OR7D4: variants seen among roughly 807,000 people sequenced by gnomAD.
The protein encoded by OR7D4 is olfactory receptor 7D4.
For missense variants in OR7D4, 319 were observed against 377.1 expected (o/e 0.85, Z 1.27); for synonymous variants, 154 against 158.4 (o/e 0.97, Z 0.21).
intron 1 of OR7D4, among the ~76,000 whole-genome samples, chr19:9,215,878 C>T (rs747092688): frequency 5.9e-5 from 9 of 152,136 alleles, no homozygotes; most frequent in Non-Finnish European, 1.2e-4. Context: ...TGTTTTCACT[C>T]TGCTGATAAA....
At position 9,212,919 on chromosome 19, in the gene OR7D4, A is replaced by T. The variant is rs1393635760; in HGVS notation, c.*980T>A. 2 of 152,072 alleles carry T rather than the reference A, an allele frequency of 1.3e-5. No homozygotes were observed. Among genetic ancestry groups the T allele is most frequent in the Non-Finnish European group, 2.9e-5 (2 of 68,038 alleles). 9.4% of individuals were successfully genotyped at this position (152,072 alleles called of 1,614,324 possible). ...AGGTGTGAGCCACTGTGCCCCGAAA[A>T]TTTTATATCACTGTTTTTATGGAAA... On this transcript the variant is annotated 3_prime_UTR_variant, in exon 2 of 2. Transcript: ENST00000641669.
In OR7D4 at chr19:9,214,652, G is replaced by A. The variant is rs1004931931; in HGVS notation, c.186C>T (p.Phe62=). 6 of 1,614,038 alleles carry A rather than the reference G, an allele frequency of 3.7e-6. No homozygotes were observed. In the African/African-American group the frequency reaches 8.0e-5, roughly 22 times the overall value. Residue 62 remains phenylalanine (F), a synonymous_variant, in exon 2 of 2, where the codon TTC becomes TTT. Coordinates refer to ENST00000641669, the MANE Select transcript of OR7D4 (RefSeq NM_001005191.3). The part of the protein sequence containing the change: ...DSHLHTPMYF[F]LSNLSFVDIC... ...TGTCAACAAAGGACAGGTTGGAGAG[G>A]AAGAAGTACATGGGGGTGTGGAGGT... is the stretch of plus-strand genomic sequence containing the variant.
At chr19:9,216,158 A>G (rs1180008440) in intron 1 of OR7D4, among the ~76,000 whole-genome samples, 1 of 152,158 alleles carries the variant, frequency 6.6e-6, no homozygotes, top group Non-Finnish European at 1.5e-5. Context: ...GGTCCCTCCC[A>G]TTACACATGG....
chr19:9,218,727 C>G (rs1447630331), intron 1 of OR7D4, among the ~76,000 whole-genome samples: 1 of 152,100 alleles, frequency 6.6e-6, no homozygotes, highest in Non-Finnish European at 1.5e-5. Context: ...CTCCTGGGTT[C>G]AAGCAATTAT....
At position 9,214,281 on chromosome 19, in the gene OR7D4, T is replaced by G; in HGVS notation, c.557A>C (p.Lys186Thr). 6.2e-7 allele frequency: 1 copy of G among 1,614,124 alleles called. No individual in the cohort carries two copies. The highest frequency in any genetic ancestry group is 8.5e-7 in the Non-Finnish European group (1 of 1,180,006). Residue 186 changes from lysine to threonine, a missense_variant, in exon 2 of 2, where the codon AAG becomes ACG. Lys to Thr is a moderately conservative substitution (Grantham distance 78). Transcript: ENST00000641669. The stretch of plus-strand genomic sequence containing the variant: ...GAGGAGGGTGTTAGAGCAGGCCACC[T>G]TGAGGACCTGAGCCGGTTCACAGAA... ...HFFCEPAQVL[K>T]VACSNTLLNN...
rs377035285 is a variant in OR7D4, at chr19:9,214,666, G to A, written c.172C>T (p.Pro58Ser). ...AVSSDSHLHT[P>S]MYFFLSNLSF... ...AGGTTGGAGAGGAAGAAGTACATGG[G>A]GGTGTGGAGGTGGGAGTCAGAGCTG... Residue 58 changes from proline to serine, a missense_variant, in exon 2 of 2, where the codon CCC becomes TCC. Physicochemically the swap from Pro to Ser is moderately conservative, Grantham distance 74. Coordinates refer to ENST00000641669, the MANE Select transcript of OR7D4 (RefSeq NM_001005191.3). The A allele has an allele frequency of 1.2e-6, 2 of 1,614,022 alleles. No homozygotes were observed. Among genetic ancestry groups the A allele is most frequent in the Non-Finnish European group, 1.7e-6 (2 of 1,180,032 alleles).
At chr19:9,218,761 T>G (rs554443437) in intron 1 of OR7D4, among the ~76,000 whole-genome samples, 51 of 152,180 alleles carry the variant, frequency 3.4e-4, no homozygotes, top group African/African-American at 1.2e-3. Context: ...CCCGAGTAAC[T>G]GGGATTGCAG....
At position 9,213,183 on chromosome 19, in the gene OR7D4, A is replaced by T. The variant is rs2051183390; in HGVS notation, c.*716T>A. On this transcript the variant is annotated 3_prime_UTR_variant, in exon 2 of 2. Transcript: ENST00000641669. ...TTTCCTATCCAGAGGACAAGAAAAAACTATACTAAGGTGAGGAACATCAAC... is the reference window on the plus strand; with the variant it reads ...TTTCCTATCCAGAGGACAAGAAAAATCTATACTAAGGTGAGGAACATCAAC... 1 of 152,218 alleles carries T rather than the reference A, an allele frequency of 6.6e-6. No individual in the cohort carries two copies. The highest frequency in any genetic ancestry group is 1.5e-5 in the Non-Finnish European group (1 of 68,054). 9.4% of individuals were successfully genotyped at this position (152,218 alleles called of 1,614,324 possible).
Position 9,214,542 on chromosome 19 carries a change from G to T in OR7D4, c.296C>A (p.Thr99Asn), listed in dbSNP as rs1199930680. Residue 99 changes from threonine (T) to asparagine (N), a missense_variant, in exon 2 of 2, where the codon ACT becomes AAT. Thr to Asn is a moderately conservative substitution (Grantham distance 65). Coordinates refer to ENST00000641669, the MANE Select transcript of OR7D4 (RefSeq NM_001005191.3). ...SKDISYMGCL[T>N]QVYFLMMFAG... is the part of the protein sequence containing the mutation. ...AAACATCATTAAAAAATACACCTGA[G>T]TGAGGCACCCCATGTAGGAGATGTC... is the stretch of plus-strand genomic sequence containing the variant. The T allele has an allele frequency of 6.2e-7, 1 of 1,614,162 alleles. No homozygotes were observed. The highest frequency in any genetic ancestry group is 8.5e-7 in the Non-Finnish European group (1 of 1,180,022).
chr19:9,216,052 C>T (rs547093194), intron 1 of OR7D4, among the ~76,000 whole-genome samples: 1 of 152,084 alleles, frequency 6.6e-6, no homozygotes, highest in Non-Finnish European at 1.5e-5. Flanking sequence ...CAAGGAAACT[C>T]CCCCTTATAG....
At chr19:9,218,587 T>C (rs1003427138) in intron 1 of OR7D4, among the ~76,000 whole-genome samples, 9 of 152,164 alleles carry the variant, frequency 5.9e-5, no homozygotes, top group African/African-American at 1.4e-4. Context: ...CCAAAGGCCG[T>C]CTACTACAAT....
In OR7D4 at chr19:9,214,297, G is replaced by A. The variant is rs754100783; in HGVS notation, c.541C>T (p.Pro181Ser). Residue 181 changes from proline to serine, a missense_variant, in exon 2 of 2, where the codon CCG becomes TCG. By Grantham distance (74) the Pro-to-Ser change is moderately conservative. Coordinates refer to ENST00000641669, the MANE Select transcript of OR7D4 (RefSeq NM_001005191.3). ...CAGGCCACCTTGAGGACCTGAGCCG[G>A]TTCACAGAAGAAATGCGGAATCTCA... Reference protein sequence around the residue: ...GTEIPHFFCEPAQVLKVACSN... With the variant: ...GTEIPHFFCESAQVLKVACSN... 3.0e-5 allele frequency: 48 copies of A among 1,614,174 alleles called. No homozygotes were observed. The highest frequency in any genetic ancestry group is 4.1e-5 in the Non-Finnish European group (48 of 1,180,038).
At chr19:9,218,709 A>G (rs2051235469) in intron 1 of OR7D4, among the ~76,000 whole-genome samples, 1 of 152,050 alleles carries the variant, frequency 6.6e-6, no homozygotes, top group Non-Finnish European at 1.5e-5. Flanking sequence ...GCTTACTGCA[A>G]CCTCTGCCTC....
chr19:9,214,226 T>G lies in OR7D4; in HGVS notation c.612A>C (p.Ala204=), dbSNP rs746857311. The part of the protein sequence containing the change: ...LNNIVLYVAT[A]LLGVFPVAGI... Reference sequence around the variant, plus strand: ...CAGCTACAGGAAACACACCCAGCAGTGCCGTGGCCACATACAAGACAATGT... The same window carrying G: ...CAGCTACAGGAAACACACCCAGCAGGGCCGTGGCCACATACAAGACAATGT... The change falls in exon 2 of 2, where the codon GCA becomes GCC. Residue 204 remains alanine, a synonymous_variant. Coordinates refer to ENST00000641669, the MANE Select transcript of OR7D4 (RefSeq NM_001005191.3). 6.2e-7 allele frequency: 1 copy of G among 1,614,120 alleles called. No homozygotes were observed. The highest frequency in any genetic ancestry group is 8.5e-7 in the Non-Finnish European group (1 of 1,180,008).
At chr19:9,216,735 G>A (rs538152006) in intron 1 of OR7D4, among the ~76,000 whole-genome samples, 1 of 152,050 alleles carries the variant, frequency 6.6e-6, no homozygotes, top group Non-Finnish European at 1.5e-5. Context: ...GGGACCACAG[G>A]CATGCACCAC....
intron 1 of OR7D4, among the ~76,000 whole-genome samples, chr19:9,218,834 A>G (rs1487253170): frequency 6.6e-6 from 1 of 152,016 alleles, no homozygotes; most frequent in African/African-American, 2.4e-5. Context: ...GGGTTTTGCC[A>G]TGTTAGCCAG....
chr19:9,213,761 C>T lies in OR7D4; in HGVS notation c.*138G>A, dbSNP rs1036250478. On this transcript the variant is annotated 3_prime_UTR_variant, in exon 2 of 2. Coordinates refer to ENST00000641669, the MANE Select transcript of OR7D4 (RefSeq NM_001005191.3). ...TCAAAAACAATAACAATAACAACAA[C>T]AAACAACCCAATAACAACAACCAAA... The T allele has an allele frequency of 7.7e-6, 5 of 651,346 alleles. No homozygotes were observed. The African/African-American group carries it at 9.3e-5, about 12-fold the overall frequency. The allele number at this position is 651,346 out of a possible 1,614,324, so 40.3% of individuals were successfully genotyped here.
intron 1 of OR7D4, 31 bp from the exon 2 acceptor site, chr19:9,214,881 A>G: frequency 8.5e-7 from 1 of 1,181,100 alleles, no homozygotes; most frequent in Non-Finnish European, 1.2e-6. Context: ...AGCAACGTTT[A>G]ATGAACAGCA....
At position 9,218,602 on chromosome 19, in the gene OR7D4, A is replaced by G. The variant is rs542501363; in HGVS notation, c.-14+598T>C. On this transcript the variant is annotated intron_variant, in intron 1 of 1. Coordinates refer to ENST00000641669, the MANE Select transcript of OR7D4 (RefSeq NM_001005191.3). ...CCAAAGGCCGTCTACTACAATTTCAATCTTTTGATATTTTGGTGAACATGC... is the reference window on the plus strand; with the variant it reads ...CCAAAGGCCGTCTACTACAATTTCAGTCTTTTGATATTTTGGTGAACATGC... Among the ~76,000 whole-genome samples the G allele has an allele frequency of 1.3e-4, 20 of 152,250 alleles. No individual in the cohort carries two copies. In the South Asian group the frequency reaches 3.9e-3, roughly 30 times the overall value.
Sources: allele counts gnomAD v4.1 joint callset (sites outside exome capture counted in the v4.1 genomes callset), GRCh38; gene constraint gnomAD v4.1.1; transcripts MANE v1.5; gene names NCBI Gene and HGNC (gene_info 2026-07-23, HGNC 2026-07-21).